DOCK11: variants seen among roughly 807,000 people sequenced by gnomAD.
The protein encoded by DOCK11 is dedicator of cytokinesis protein 11.
A neutral mutation model predicts 169.1 loss-of-function variants in DOCK11; 70 were observed. That is an observed-to-expected ratio of 0.41 (90% CI 0.34 to 0.51). The LOEUF (loss-of-function observed/expected upper bound fraction) is 0.51, where lower values mean the gene tolerates loss of function less well. Among genes scored for constraint, DOCK11 ranks in the 20% least tolerant of loss-of-function variants. The probability of loss-of-function intolerance (pLI) is 0.10; values close to 1 mark genes in which losing one functional copy is unlikely to be tolerated. For missense variants in DOCK11, 1,166 were observed against 1,538.8 expected (o/e 0.76, Z 4.05); for synonymous variants, 529 against 541.3 (o/e 0.98, Z 0.32).
intron 6 of DOCK11, among the ~76,000 whole-genome samples, chrX:118,558,287 G>T (rs1332330843): frequency 4.5e-5 from 5 of 110,916 alleles, no homozygotes; most frequent in Non-Finnish European, 7.6e-5. Context: ...GTGTGAATTT[G>T]AATGAGCTCT....
rs188592853 is a variant in DOCK11 at position 118,621,869 on chromosome X, G to A, written c.3472-2670G>A. ...AGGATGGTCTTGATCTCCTGACCTCGTGATCTGCCTGCCTTGGCCTCCCAA... is the reference window on the plus strand; with the variant it reads ...AGGATGGTCTTGATCTCCTGACCTCATGATCTGCCTGCCTTGGCCTCCCAA... On this transcript the variant is annotated intron_variant, in intron 31 of 52. Coordinates refer to ENST00000276202, the MANE Select transcript of DOCK11 (RefSeq NM_144658.4). Among the ~76,000 whole-genome samples, 61 of 111,415 alleles carry A rather than the reference G, an allele frequency of 5.5e-4. No homozygotes were observed. In the East Asian group the frequency reaches 7.9e-3, roughly 14 times the overall value.
At chrX:118,677,164 G>A (rs914051235) in intron 48 of DOCK11, among the ~76,000 whole-genome samples, 9 of 112,039 alleles carry the variant, frequency 8.0e-5, no homozygotes, top group Middle Eastern at 4.6e-3. Flanking sequence ...ATGATTCTCC[G>A]TTACATCATG....
chrX:118,642,104 G>T (rs778839103), intron 39 of DOCK11, among the ~76,000 whole-genome samples: 2 of 111,873 alleles, frequency 1.8e-5, no homozygotes, highest in Non-Finnish European at 3.8e-5. Context: ...CCTTTATGAA[G>T]TATTAGGTTT....
At chrX:118,499,322 C>T (rs983654692) in intron 1 of DOCK11, among the ~76,000 whole-genome samples, 2 of 111,436 alleles carry the variant, frequency 1.8e-5, no homozygotes, top group African/African-American at 6.5e-5. Context: ...CTGTTTACTG[C>T]GGAGCTTACC....
rs754933096 is a variant in DOCK11, at chrX:118,543,217, C to G, written c.309+202C>G. ...ACAAGTTTATATGCTGTTAACAAGT[C>G]TATATGATGATAAAGCTTAAACATT... is the stretch of plus-strand genomic sequence containing the variant. On this transcript the variant is annotated intron_variant, in intron 3 of 52. Transcript: ENST00000276202. Among the ~76,000 whole-genome samples, 7 of 111,997 alleles carry G rather than the reference C, an allele frequency of 6.3e-5. No individual in the cohort carries two copies. The South Asian group carries it at 2.6e-3, about 42-fold the overall frequency.
At chrX:118,649,561 C>G (rs933577925) in intron 41 of DOCK11, among the ~76,000 whole-genome samples, 3 of 111,671 alleles carry the variant, frequency 2.7e-5, no homozygotes, top group African/African-American at 9.8e-5. Context: ...CCCTGTCACC[C>G]AGGCTGGAGT....
Position 118,638,117 on chromosome X carries a change from A to G in DOCK11, c.3991A>G (p.Asn1331Asp), listed in dbSNP as rs1418490156. 8.3e-7 allele frequency: 1 copy of G among 1,207,785 alleles called. No individual in the cohort carries two copies. Among genetic ancestry groups the G allele is most frequent in the Non-Finnish European group, 1.1e-6 (1 of 892,674 alleles). Residue 1331 changes from asparagine to aspartate, a missense_variant, in exon 37 of 53, where the codon AAC (asparagine) becomes GAC (aspartate). Asn to Asp is a conservative substitution (Grantham distance 23, BLOSUM62 1). Transcript: ENST00000276202. ...LFHFRYMGKR[N>D]IARVHDAWLS... Reference sequence around the variant, plus strand: ...TCACTTTAGATATATGGGGAAAAGAAACATAGCAAGGTAATTCCCATAGCA... The same window carrying G: ...TCACTTTAGATATATGGGGAAAAGAGACATAGCAAGGTAATTCCCATAGCA...
intron 16 of DOCK11, among the ~76,000 whole-genome samples, chrX:118,586,216 G>A: frequency 9.0e-6 from 1 of 111,526 alleles, no homozygotes; most frequent in Non-Finnish European, 1.9e-5. Flanking sequence ...CAGATAGTAT[G>A]CAAGCAAACG....
chrX:118,637,619 C>G (rs1208439591), intron 36 of DOCK11, among the ~76,000 whole-genome samples: 1 of 110,794 alleles, frequency 9.0e-6, no homozygotes, highest in African/African-American at 3.3e-5. Context: ...ATTAGCTGGG[C>G]ATGGTGATGT....
At chrX:118,615,957 T>C (rs781074800) in intron 30 of DOCK11, among the ~76,000 whole-genome samples, 2 of 112,154 alleles carry the variant, frequency 1.8e-5, no homozygotes, top group East Asian at 5.6e-4. Context: ...CTAGTGAAAT[T>C]ACTTTCTGTA....
chrX:118,496,511 GCA>G (rs1286113632), intron 1 of DOCK11, among the ~76,000 whole-genome samples: 5 of 112,761 alleles, frequency 4.4e-5, no homozygotes, highest in Non-Finnish European at 9.4e-5. Flanking sequence ...TGAGCGTTTG[GCA>G]CACACACTCT....
intron 35 of DOCK11, among the ~76,000 whole-genome samples, chrX:118,632,172 C>A (rs1363696273): frequency 9.0e-6 from 1 of 111,321 alleles, no homozygotes. Flanking sequence ...CCAGGATGGT[C>A]TCGATCTCCT....
intron 38 of DOCK11, among the ~76,000 whole-genome samples, chrX:118,640,317 A>G (rs1411913145): frequency 8.9e-6 from 1 of 112,331 alleles, no homozygotes; most frequent in Non-Finnish European, 1.9e-5. Flanking sequence ...AGCCAGCAAA[A>G]CTGGCTTTGT....
At chrX:118,554,468 C>G (rs979707507) in intron 6 of DOCK11, among the ~76,000 whole-genome samples, 1 of 111,044 alleles carries the variant, frequency 9.0e-6, no homozygotes, top group East Asian at 2.8e-4. Flanking sequence ...CAGAATCTCT[C>G]GAACCCGAGA....
intron 12 of DOCK11, among the ~76,000 whole-genome samples, chrX:118,575,070 C>A (rs1470942928): frequency 1.8e-5 from 2 of 111,531 alleles, no homozygotes; most frequent in African/African-American, 3.3e-5. Context: ...AAATACTATT[C>A]TTTTTTTCCT....
intron 12 of DOCK11, 77 bp downstream of exon 12, chrX:118,574,095 A>C (rs2013370275): frequency 2.0e-6 from 2 of 1,017,046 alleles, no homozygotes; most frequent in East Asian, 3.2e-5. Context: ...TCATGGTTTC[A>C]GGCCAATGTT....
chrX:118,568,039 G>A, intron 9 of DOCK11, 40 bp from the exon 10 acceptor site: 1 of 779,615 alleles, frequency 1.3e-6, no homozygotes. Context: ...ACACTGTTTT[G>A]AAGGAAATGA....
chrX:118,576,869 A>G (rs753597727), intron 12 of DOCK11, among the ~76,000 whole-genome samples: 1 of 112,207 alleles, frequency 8.9e-6, no homozygotes, highest in African/African-American at 3.2e-5. Context: ...GGCTCAAGCA[A>G]TCCTCCCGCC....
intron 31 of DOCK11, among the ~76,000 whole-genome samples, chrX:118,620,194 CTG>C (rs1381334836): frequency 9.0e-6 from 1 of 111,599 alleles, no homozygotes; most frequent in Admixed American, 9.6e-5. Flanking sequence ...AGAGTGCAAA[CTG>C]TATGGATTTA....
Sources: gnomAD v4.1 joint callset for allele counts (sites outside exome capture counted in the v4.1 genomes callset) on GRCh38, gnomAD v4.1.1 for gene constraint, MANE v1.5 for transcripts, NCBI Gene and HGNC (gene_info 2026-07-23, HGNC 2026-07-21) for gene names.